MYH10: variants seen among roughly 807,000 people sequenced by gnomAD.
The protein encoded by MYH10 is myosin heavy chain 10, also known as myosin-10.
MYH10 carries 55 observed loss-of-function variants against 257.8 expected under a neutral mutation model. The observed-to-expected ratio is 0.21, with a 90% CI of 0.17 to 0.27. The LOEUF is 0.27. Among genes scored for constraint, MYH10 ranks in the 10% least tolerant of loss-of-function variants. The probability of loss-of-function intolerance (pLI) is 1.00; values close to 1 mark genes in which losing one functional copy is unlikely to be tolerated. For missense variants in MYH10, 1,631 were observed against 2,500.6 expected (o/e 0.65, Z 7.42); for synonymous variants, 854 against 921.7 (o/e 0.93, Z 1.33).
rs1448073857 is a variant in MYH10, at chr17:8,477,922, CG to C, written c.5706+415del. Among the ~76,000 whole-genome samples, 5 of 152,184 alleles carry C rather than the reference CG, an allele frequency of 3.3e-5. No individual in the cohort carries two copies. The highest frequency in any genetic ancestry group is 4.4e-5 in the Non-Finnish European group (3 of 68,028). ...GACGCTGAAGCTCACTCGGGTGCAG[CG>C]TGCAGTACCTTTGTCTTCCCTTCAC... On this transcript the variant is annotated intron_variant, in intron 41 of 42. Coordinates refer to ENST00000360416, the MANE Select transcript of MYH10 (RefSeq NM_001256012.3). This position sits in a 1 kb window ranked among gnomAD's most constrained non-coding sequence, Gnocchi z 4.2.
At chr17:8,594,530 ATAAAGT>A (rs1184081796) in intron 3 of MYH10, among the ~76,000 whole-genome samples, 2 of 152,214 alleles carry the variant, frequency 1.3e-5, no homozygotes, top group East Asian at 1.9e-4. Flanking sequence ...GTAATTTCTT[ATAAAGT>A]TAAACACACA....
intron 2 of MYH10, 27 bp from the exon 3 acceptor site, chr17:8,605,009 A>T: frequency 2.8e-6 from 3 of 1,085,840 alleles, no homozygotes; most frequent in Non-Finnish European, 2.5e-6. Flanking sequence ...ATAGAGTATT[A>T]AAAAAAAAAC....
chr17:8,482,858 A>G (rs1395524992), intron 37 of MYH10, among the ~76,000 whole-genome samples: 10 of 152,262 alleles, frequency 6.6e-5, no homozygotes, highest in Non-Finnish European at 1.5e-4. Context: ...CAACAGCCAC[A>G]TCGCCTTTGG....
intron 40 of MYH10, among the ~76,000 whole-genome samples, chr17:8,478,678 C>T (rs1913122437): frequency 6.6e-6 from 1 of 152,128 alleles, no homozygotes; most frequent in African/African-American, 2.4e-5. Context: ...ATTATTCCTG[C>T]ACGTGTAGGT....
intron 17 of MYH10, among the ~76,000 whole-genome samples, chr17:8,527,929 C>A (rs548019636): frequency 6.6e-6 from 1 of 152,202 alleles, no homozygotes; most frequent in African/African-American, 2.4e-5. Flanking sequence ...AATTTAAACA[C>A]GTAAACTATG....
rs1228364079 is a variant in MYH10, at chr17:8,506,462, C to T, written c.3242G>A (p.Arg1081His). 3.7e-6 allele frequency: 6 copies of T among 1,611,908 alleles called. No homozygotes were observed. Among genetic ancestry groups the T allele is most frequent in the East Asian group, 2.2e-5 (1 of 44,798 alleles). Residue 1081 changes from arginine to histidine, a missense_variant, in exon 27 of 43, where the codon CGT becomes CAT. Physicochemically the swap from Arg to His is conservative, Grantham distance 29. Around this residue, in one of 11 missense-constraint regions of MYH10, gnomAD observed 169 missense variants for 249.8 expected, o/e 0.68. Transcript: ENST00000360416. The surrounding 1 kb of genome is among the most constrained non-coding windows in gnomAD (Gnocchi z 5.0). ...TCTTTTGGCCTTTTCCAGTTCCTGACGAGTCTTTTCTTCCTTCTTTAAGCG... is the reference window on the plus strand; with the variant it reads ...TCTTTTGGCCTTTTCCAGTTCCTGATGAGTCTTTTCTTCCTTCTTTAAGCG... ...EERLKKEEKT[R>H]QELEKAKRKL... is the part of the protein sequence containing the mutation.
intron 4 of MYH10, 31 bp downstream of exon 4, chr17:8,589,050 A>G: frequency 6.2e-7 from 1 of 1,611,376 alleles, no homozygotes; most frequent in Non-Finnish European, 8.5e-7. Flanking sequence ...AGAAAATCAA[A>G]AACAAATCTG....
Position 8,569,046 on chromosome 17 carries a change from T to TAA in MYH10, c.756+672_756+673dup, listed in dbSNP as rs372543566. On this transcript the variant is annotated intron_variant, in intron 7 of 42. Transcript: ENST00000360416. The surrounding 1 kb of genome is among the most constrained non-coding windows in gnomAD (Gnocchi z 4.1). ...GACAACATAGTGAGACCCTAGTCTC[T>TAA]AAAAAAAAAAAAGTTACTCTTTTAA... Among the ~76,000 whole-genome samples, 1 of 139,748 alleles carries TAA rather than the reference T, an allele frequency of 7.2e-6. No homozygotes were observed. Among genetic ancestry groups the TAA allele is most frequent in the African/African-American group, 2.6e-5 (1 of 38,402 alleles). The allele number at this position is 139,748 out of a possible 152,430, so 91.7% of individuals were successfully genotyped here.
chr17:8,627,080 A>G (rs1211233005), intron 1 of MYH10, among the ~76,000 whole-genome samples: 1 of 152,232 alleles, frequency 6.6e-6, no homozygotes, highest in African/African-American at 2.4e-5. Context: ...GTAGAACACA[A>G]AAGTGTAATT....
intron 16 of MYH10, among the ~76,000 whole-genome samples, chr17:8,534,790 C>T (rs763147100): frequency 6.6e-6 from 1 of 152,158 alleles, no homozygotes; most frequent in Non-Finnish European, 1.5e-5. Flanking sequence ...GATACTGGTT[C>T]CTAAAATGCA....
Position 8,490,427 on chromosome 17 carries a change from G to A in MYH10, c.4797C>T (p.Asn1599=), listed in dbSNP as rs1162913616. ...CGAACTGCGCCTTCATGGCCTGCAT[G>A]TTGACCTCCAGACGAAGCTTGGCAT... is the stretch of plus-strand genomic sequence containing the variant. ...TEDAKLRLEV[N]MQAMKAQFER... The change falls in exon 35 of 43, where the codon AAC becomes AAT. Residue 1599 remains asparagine (N), a synonymous_variant. Coordinates refer to ENST00000360416, the MANE Select transcript of MYH10 (RefSeq NM_001256012.3). This position sits in a 1 kb window ranked among gnomAD's most constrained non-coding sequence, Gnocchi z 4.1. The A allele has an allele frequency of 6.2e-7, 1 of 1,614,066 alleles. No homozygotes were observed. Among genetic ancestry groups the A allele is most frequent in the Admixed American group, 1.7e-5 (1 of 60,002 alleles).
At chr17:8,503,680 C>T (rs567610429) in intron 28 of MYH10, among the ~76,000 whole-genome samples, 1 of 152,304 alleles carries the variant, frequency 6.6e-6, no homozygotes, top group South Asian at 2.1e-4. Context: ...ACCTGTTTCC[C>T]TCCTGGTTGC....
At chr17:8,495,022 C>T in intron 31 of MYH10, 115 bp downstream of exon 31, 2 of 669,462 alleles carry the variant, frequency 3.0e-6, no homozygotes, top group Non-Finnish European at 5.3e-6. Flanking sequence ...AAAAGTATGA[C>T]ATAAAACTAG....
chr17:8,628,440 A>G (rs534055333), intron 1 of MYH10, among the ~76,000 whole-genome samples: 1 of 152,270 alleles, frequency 6.6e-6, no homozygotes, highest in African/African-American at 2.4e-5. Flanking sequence ...AGAGGCAAAC[A>G]ATTCAATTTT....
intron 28 of MYH10, among the ~76,000 whole-genome samples, chr17:8,501,433 A>G (rs1170669871): frequency 6.6e-6 from 1 of 152,206 alleles, no homozygotes; most frequent in South Asian, 2.1e-4. Context: ...TTAACACAAG[A>G]TGCCAAACTG....
intron 14 of MYH10, among the ~76,000 whole-genome samples, chr17:8,536,798 C>A (rs1197907559): frequency 7.8e-3 from 916 of 117,160 alleles, no homozygotes; most frequent in Middle Eastern, 0.01. Context: ...GACTCTGTCT[C>A]AAAAAAAAAA....
chr17:8,517,637 T>G (rs73248024), intron 21 of MYH10, among the ~76,000 whole-genome samples: 2,284 of 152,310 alleles, frequency 0.015, 59 homozygotes, highest in African/African-American at 0.052. Flanking sequence ...GGCACCATCA[T>G]CTTCTACCCA....
chr17:8,528,218 C>T (rs917060386), intron 17 of MYH10, among the ~76,000 whole-genome samples: 4 of 152,190 alleles, frequency 2.6e-5, no homozygotes, highest in Non-Finnish European at 5.9e-5. Context: ...GAAAACGATA[C>T]ATAATTGTAC....
intron 32 of MYH10, among the ~76,000 whole-genome samples, 160 bp downstream of exon 32, chr17:8,493,573 C>T (rs542896489): frequency 6.6e-6 from 1 of 152,268 alleles, no homozygotes; most frequent in South Asian, 2.1e-4. Context: ...AGCATTATAA[C>T]CAGCATGTGG....
Sources: gnomAD v4.1 joint callset for allele counts (sites outside exome capture counted in the v4.1 genomes callset) on GRCh38, gnomAD v4.1.1 for gene constraint, gnomAD v4.1.1 regional missense constraint, Gnocchi (gnomAD v3.1) non-coding constraint, MANE v1.5 for transcripts, NCBI Gene and HGNC (gene_info 2026-07-23, HGNC 2026-07-21) for gene names.